PDE4D: variants seen among roughly 807,000 people sequenced by gnomAD.
The protein encoded by PDE4D is phosphodiesterase 4D, also known as 3',5'-cyclic-AMP phosphodiesterase 4D.
In PDE4D, 24 loss-of-function variants were observed where a neutral mutation model predicts 87.4. The observed-to-expected ratio is 0.27, with a 90% CI of 0.20 to 0.39. The LOEUF is 0.39. PDE4D is among the 10% of genes least tolerant of loss of function. The probability of loss-of-function intolerance (pLI) is 1.00; values close to 1 mark genes in which losing one functional copy is unlikely to be tolerated. For synonymous variants in PDE4D, 384 were observed against 383.2 expected (o/e 1.00, Z -0.02); for missense variants, 714 against 1,041.0 (o/e 0.69, Z 4.32).
intron 1 of PDE4D, among the ~76,000 whole-genome samples, chr5:59,818,817 G>A (rs574476526): frequency 4.0e-4 from 60 of 151,038 alleles, no homozygotes; most frequent in Non-Finnish European, 7.4e-4. Context: ...CTCTTATCAG[G>A]ATGAAGAATT....
intron 1 of PDE4D, among the ~76,000 whole-genome samples, chr5:60,234,255 T>C (rs1337343696): frequency 2.0e-5 from 3 of 151,850 alleles, no homozygotes; most frequent in Admixed American, 2.0e-4. Flanking sequence ...GGTTCATCCA[T>C]GTTGTAGCAT....
At chr5:60,179,919 A>G (rs1293969737) in intron 2 of PDE4D, among the ~76,000 whole-genome samples, 1 of 152,204 alleles carries the variant, frequency 6.6e-6, no homozygotes, top group Non-Finnish European at 1.5e-5. Context: ...TCACTTTGTT[A>G]TAGAGAGATT....
chr5:60,380,663 A>G (rs1475366873), intron 1 of PDE4D, among the ~76,000 whole-genome samples: 3 of 152,222 alleles, frequency 2.0e-5, no homozygotes, highest in Admixed American at 6.5e-5. Context: ...TTGTTAGCGC[A>G]GCGTAACATC....
chr5:59,290,950 A>C (rs924183387), intron 1 of PDE4D, among the ~76,000 whole-genome samples: 2 of 151,968 alleles, frequency 1.3e-5, no homozygotes, highest in Non-Finnish European at 2.9e-5. Context: ...GTGAGGATGT[A>C]AAGAAAAGGG....
intron 1 of PDE4D, among the ~76,000 whole-genome samples, chr5:59,602,536 C>A (rs1020751906): frequency 2.0e-5 from 3 of 151,958 alleles, no homozygotes; most frequent in Non-Finnish European, 2.9e-5. Flanking sequence ...AAAGATGACA[C>A]AAATGAATGC....
intron 6 of PDE4D, among the ~76,000 whole-genome samples, chr5:59,030,298 T>C (rs1488327921): frequency 1.3e-5 from 2 of 151,776 alleles, no homozygotes; most frequent in Non-Finnish European, 2.9e-5. Flanking sequence ...AAGAGGCTAA[T>C]ATTCAAAATA....
At chr5:59,868,652 T>C (rs1448494219) in intron 1 of PDE4D, among the ~76,000 whole-genome samples, 1 of 152,168 alleles carries the variant, frequency 6.6e-6, no homozygotes, top group East Asian at 1.9e-4. Flanking sequence ...CAGTAATGTC[T>C]AACTGTCCTA....
intron 1 of PDE4D, among the ~76,000 whole-genome samples, chr5:60,233,934 C>G (rs986512058): frequency 3.3e-5 from 5 of 151,816 alleles, no homozygotes; most frequent in Non-Finnish European, 7.4e-5. Context: ...ACCATGCTAT[C>G]TCAACATACA....
chr5:59,900,838 G>A (rs1752183164), intron 3 of PDE4D, among the ~76,000 whole-genome samples: 1 of 152,050 alleles, frequency 6.6e-6, no homozygotes, highest in Non-Finnish European at 1.5e-5. Flanking sequence ...TTGAAATTAG[G>A]CCCAACTACC....
intron 5 of PDE4D, among the ~76,000 whole-genome samples, chr5:59,124,878 T>C (rs912452237): frequency 6.6e-6 from 1 of 152,198 alleles, no homozygotes; most frequent in African/African-American, 2.4e-5. Context: ...ATATTTTTAT[T>C]AAAAACACCC....
intron 1 of PDE4D, among the ~76,000 whole-genome samples, chr5:59,662,772 A>G (rs1290212436): frequency 2.6e-5 from 4 of 152,180 alleles, no homozygotes; most frequent in South Asian, 2.1e-4. Flanking sequence ...AATGGGGTAA[A>G]TATTGAAGAT....
chr5:59,961,205 C>T (rs2152810499), intron 3 of PDE4D, among the ~76,000 whole-genome samples: 1 of 151,814 alleles, frequency 6.6e-6, no homozygotes, highest in Admixed American at 6.6e-5. Flanking sequence ...GAGATAAGAT[C>T]ACCATGTATT....
Position 60,509,621 on chromosome 5 carries a change from T to C in PDE4D, n.70+12430A>G, listed in dbSNP as rs1054525035. Reference sequence around the variant, plus strand: ...CTCATTTCATCTTTCTTTCCCTTCATCCACCTTTGACTTCACCTCCTGCTT... The same window carrying C: ...CTCATTTCATCTTTCTTTCCCTTCACCCACCTTTGACTTCACCTCCTGCTT... On this transcript the variant is annotated intron_variant and non_coding_transcript_variant, in intron 1 of 2. Transcript: ENST00000506510. 9.2e-5 allele frequency among the ~76,000 whole-genome samples: 14 copies of C among 152,286 alleles called. No individual in the cohort carries two copies. The South Asian group carries it at 1.0e-3, about 11-fold the overall frequency.
At chr5:59,800,739 C>T (rs920595735) in intron 1 of PDE4D, among the ~76,000 whole-genome samples, 2 of 151,918 alleles carry the variant, frequency 1.3e-5, no homozygotes, top group Admixed American at 6.6e-5. Flanking sequence ...TGCCTTTGTT[C>T]CACACACTTC....
At chr5:60,074,905 T>C (rs772235627) in intron 2 of PDE4D, among the ~76,000 whole-genome samples, 1 of 152,194 alleles carries the variant, frequency 6.6e-6, no homozygotes, top group Non-Finnish European at 1.5e-5. Flanking sequence ...TCACCGCATA[T>C]GAGATGGGTC....
intron 1 of PDE4D, among the ~76,000 whole-genome samples, chr5:60,328,025 C>A (rs1263616727): frequency 1.3e-5 from 2 of 152,146 alleles, no homozygotes; most frequent in African/African-American, 2.4e-5. Context: ...ATGACAGAAT[C>A]TTTCCTCTGA....
chr5:59,076,709 A>C (rs752922204), intron 5 of PDE4D, among the ~76,000 whole-genome samples: 6 of 152,162 alleles, frequency 3.9e-5, no homozygotes, highest in Non-Finnish European at 8.8e-5. Context: ...TTGCCTTAAA[A>C]ATGTCAAATA....
At chr5:59,370,188 T>C (rs1205055530) in intron 1 of PDE4D, among the ~76,000 whole-genome samples, 1 of 152,240 alleles carries the variant, frequency 6.6e-6, no homozygotes, top group African/African-American at 2.4e-5. Context: ...CTCTTGCTCC[T>C]ACTCTATTCT....
intron 5 of PDE4D, among the ~76,000 whole-genome samples, chr5:59,173,199 A>G (rs1379109367): frequency 6.6e-6 from 1 of 152,186 alleles, no homozygotes; most frequent in African/African-American, 2.4e-5. Flanking sequence ...AGACACAATT[A>G]AATTATTTCC....
Sources: gnomAD v4.1 joint callset for allele counts (sites outside exome capture counted in the v4.1 genomes callset) on GRCh38, gnomAD v4.1.1 for gene constraint, MANE v1.5 for transcripts, NCBI Gene and HGNC (gene_info 2026-07-23, HGNC 2026-07-21) for gene names.